PRKG1: variants seen among roughly 807,000 people sequenced by gnomAD.
PRKG1 encodes the protein cGMP-dependent protein kinase 1.
PRKG1 carries 35 observed loss-of-function variants against 88.1 expected under a neutral mutation model. The ratio of observed to expected loss-of-function variants is 0.40; its 90% CI spans 0.30 to 0.53. The LOEUF (loss-of-function observed/expected upper bound fraction) is 0.53. PRKG1 is among the 20% of genes least tolerant of loss of function. PRKG1 has a pLI of 0.59. For missense variants in PRKG1, 540 were observed against 839.8 expected, an observed-to-expected ratio of 0.64 and a Z score of 4.41; for synonymous variants, 303 against 292.5, an observed-to-expected ratio of 1.04 and a Z score of -0.37.
At chr10:52,110,559 A>C (rs573323429) in intron 7 of PRKG1, among the ~76,000 whole-genome samples, 1 of 152,080 alleles carries the variant, frequency 6.6e-6, no homozygotes, top group Non-Finnish European at 1.5e-5. Flanking sequence ...GTGCAGAGGC[A>C]GGGAGGGAAG....
At chr10:52,026,658 A>T (rs1452774777) in intron 5 of PRKG1, among the ~76,000 whole-genome samples, 1 of 152,200 alleles carries the variant, frequency 6.6e-6, no homozygotes, top group Non-Finnish European at 1.5e-5. Flanking sequence ...CTCTGTTAAG[A>T]TACTAAAAAT....
intron 5 of PRKG1, among the ~76,000 whole-genome samples, chr10:52,031,494 T>G (rs1350621188): frequency 6.6e-6 from 1 of 152,196 alleles, no homozygotes; most frequent in African/African-American, 2.4e-5. Flanking sequence ...TTGAAAGATC[T>G]TTATAAATTG....
intron 1 of PRKG1, among the ~76,000 whole-genome samples, chr10:51,098,388 G>T (rs1367431845): frequency 6.6e-6 from 1 of 152,164 alleles, no homozygotes; most frequent in Non-Finnish European, 1.5e-5. Flanking sequence ...GTGTCCCAGA[G>T]GTCCTGAATT....
At chr10:51,841,174 ATCTC>A (rs35188534) in intron 4 of PRKG1, among the ~76,000 whole-genome samples, 1 of 151,848 alleles carries the variant, frequency 6.6e-6, no homozygotes, top group East Asian at 1.9e-4. Context: ...CAGTAAGTCA[ATCTC>A]TCTCTCTCTG....
At chr10:51,991,284 G>T (rs80299763) in intron 5 of PRKG1, among the ~76,000 whole-genome samples, 2,452 of 152,096 alleles carry the variant, frequency 0.016, 69 homozygotes, top group African/African-American at 0.055. Context: ...TGCAAACTGG[G>T]ACAATTTTAA....
At chr10:51,539,897 T>C (rs1414415604) in intron 3 of PRKG1, among the ~76,000 whole-genome samples, 2 of 152,222 alleles carry the variant, frequency 1.3e-5, no homozygotes, top group African/African-American at 4.8e-5. Flanking sequence ...ATTTTAGGCA[T>C]GTAAAAAAGA....
chr10:51,833,102 C>A (rs554917870), intron 4 of PRKG1, among the ~76,000 whole-genome samples: 1 of 152,062 alleles, frequency 6.6e-6, no homozygotes, highest in African/African-American at 2.4e-5. Flanking sequence ...TCATTGAATG[C>A]GGTGTATTAG....
chr10:52,044,448 A>C (rs763851427), intron 5 of PRKG1, among the ~76,000 whole-genome samples: 5 of 152,198 alleles, frequency 3.3e-5, no homozygotes, highest in Non-Finnish European at 7.4e-5. Context: ...TAAAAACGAC[A>C]GAACTCCAAT....
intron 7 of PRKG1, chr10:52,062,969 T>C (rs1020132792): frequency 1.0e-4 from 61 of 587,716 alleles, no homozygotes; most frequent in African/African-American, 8.9e-4. Flanking sequence ...ATCATTAAGA[T>C]AGTTGGTTGA....
chr10:51,082,383 G>A (rs1217613286), intron 1 of PRKG1, among the ~76,000 whole-genome samples: 1 of 152,166 alleles, frequency 6.6e-6, no homozygotes, highest in African/African-American at 2.4e-5. Flanking sequence ...AATAATGTAG[G>A]ACGGCGGTTC....
At chr10:51,469,664 C>T (rs548027750) in intron 3 of PRKG1, among the ~76,000 whole-genome samples, 1 of 151,914 alleles carries the variant, frequency 6.6e-6, no homozygotes, top group African/African-American at 2.4e-5. Flanking sequence ...AATTATAAGC[C>T]TAACTCTTTT....
At chr10:51,426,647 C>T (rs535152060) in intron 2 of PRKG1, among the ~76,000 whole-genome samples, 1 of 152,154 alleles carries the variant, frequency 6.6e-6, no homozygotes, top group South Asian at 2.1e-4. Context: ...ATGCAGAATA[C>T]CCTGAATTCA....
chr10:52,281,132 G>T (rs1240567911), intron 13 of PRKG1, among the ~76,000 whole-genome samples: 1 of 152,068 alleles, frequency 6.6e-6, no homozygotes, highest in East Asian at 1.9e-4. Context: ...GGCTAAGTTT[G>T]AATTAACAAT....
intron 3 of PRKG1, among the ~76,000 whole-genome samples, chr10:51,511,824 A>C (rs931188590): frequency 6.6e-6 from 1 of 152,236 alleles, no homozygotes; most frequent in Non-Finnish European, 1.5e-5. Flanking sequence ...CAACGATCAT[A>C]GTCAAGAATA....
At chr10:51,051,578 A>G (rs1457507049) in intron 1 of PRKG1, among the ~76,000 whole-genome samples, 1 of 152,146 alleles carries the variant, frequency 6.6e-6, no homozygotes, top group Non-Finnish European at 1.5e-5. Flanking sequence ...TAATTCCTAC[A>G]CGATCCCAGG....
At chr10:51,682,813 T>C (rs1840884905) in intron 3 of PRKG1, among the ~76,000 whole-genome samples, 1 of 152,164 alleles carries the variant, frequency 6.6e-6, no homozygotes, top group Non-Finnish European at 1.5e-5. Context: ...AACAGTGCCA[T>C]CTTTGGAAAA....
intron 7 of PRKG1, among the ~76,000 whole-genome samples, chr10:52,103,994 G>GTA (rs1847355781): frequency 7.1e-6 from 1 of 141,024 alleles, no homozygotes; most frequent in South Asian, 2.2e-4. Context: ...TCATGTGTGT[G>GTA]TGTGTGTATA....
intron 14 of PRKG1, among the ~76,000 whole-genome samples, chr10:52,282,726 G>C (rs1219732825): frequency 6.6e-6 from 1 of 152,044 alleles, no homozygotes; most frequent in Non-Finnish European, 1.5e-5. Context: ...TGACTGCTTT[G>C]TACATCTTTC....
At chr10:51,967,236 A>G (rs1843591785) in intron 5 of PRKG1, among the ~76,000 whole-genome samples, 1 of 152,210 alleles carries the variant, frequency 6.6e-6, no homozygotes, top group Non-Finnish European at 1.5e-5. Flanking sequence ...CAGCCATAAA[A>G]AAGGATGAGT....
Sources: allele counts gnomAD v4.1 joint callset (sites outside exome capture counted in the v4.1 genomes callset), GRCh38; gene constraint gnomAD v4.1.1; transcripts MANE v1.5; gene names NCBI Gene and HGNC (gene_info 2026-07-23, HGNC 2026-07-21).